Variants in BCR observed in about 807,000 individuals in gnomAD.
BCR encodes BCR activator of RhoGEF and GTPase.
A neutral mutation model predicts 138.6 loss-of-function variants in BCR; 58 were observed. The observed-to-expected ratio is 0.42, with a 90% CI of 0.34 to 0.52. The LOEUF (loss-of-function observed/expected upper bound fraction) is 0.52. Ranked by LOEUF, BCR falls within the 20% of genes least tolerant of loss-of-function variation. The probability of loss-of-function intolerance (pLI) is 0.06; values close to 1 mark genes in which losing one functional copy is unlikely to be tolerated. For synonymous variants in BCR, 786 were observed against 730.1 expected, an observed-to-expected ratio of 1.08 and a Z score of -1.23; for missense variants, 1,599 against 1,727.2, an observed-to-expected ratio of 0.93 and a Z score of 1.32.
At chr22:23,193,189 C>T (rs1246283046) in intron 1 of BCR, among the ~76,000 whole-genome samples, 1 of 152,246 alleles carries the variant, frequency 6.6e-6, no homozygotes, top group Non-Finnish European at 1.5e-5. Flanking sequence ...GAGAGATTTT[C>T]TGCACATGAC....
chr22:23,223,601 C>T lies in BCR; in HGVS notation c.1280-30198C>T, dbSNP rs1465514086. On this transcript the variant is annotated intron_variant, in intron 1 of 22. Transcript: ENST00000305877. ...CTGGCTGAGCCCTAGGCTGCCGGTG[C>T]AGGGGGTACTCAGGGAGGAGGGCTC... 3.3e-5 allele frequency among the ~76,000 whole-genome samples: 5 copies of T among 152,136 alleles called. No homozygotes were observed. In the East Asian group the frequency reaches 7.7e-4, roughly 24 times the overall value.
At chr22:23,296,704 C>T (rs1354216749) in intron 16 of BCR, among the ~76,000 whole-genome samples, 4 of 152,188 alleles carry the variant, frequency 2.6e-5, no homozygotes, top group Admixed American at 2.0e-4. Flanking sequence ...CTACTCAGGA[C>T]GCTGAAGCGA....
intron 2 of BCR, among the ~76,000 whole-genome samples, chr22:23,255,827 G>C (rs767854048): frequency 4.6e-5 from 7 of 152,280 alleles, no homozygotes; most frequent in Middle Eastern, 3.4e-3. Context: ...TGTTTCTCGT[G>C]GTGCACATCC....
intron 1 of BCR, among the ~76,000 whole-genome samples, chr22:23,220,256 G>C (rs1384898970): frequency 6.6e-6 from 1 of 152,206 alleles, no homozygotes; most frequent in Admixed American, 6.5e-5. Context: ...TTACACTGAA[G>C]TTTCACCTAC....
intron 16 of BCR, among the ~76,000 whole-genome samples, chr22:23,303,561 G>A (rs1275126717): frequency 3.9e-5 from 6 of 152,252 alleles, no homozygotes; most frequent in African/African-American, 1.4e-4. Context: ...CTCTTAAACA[G>A]ACTTGGAGAG....
At chr22:23,290,596 C>G in intron 14 of BCR, 183 bp downstream of exon 14, 1 of 608,466 alleles carries the variant, frequency 1.6e-6, no homozygotes, top group South Asian at 1.8e-5. Flanking sequence ...AATTGTTTTT[C>G]CCGGAGTGGC....
rs760115322 is a variant in BCR at position 23,182,063 on chromosome 22, G to A, written c.1103G>A (p.Arg368His). Residue 368 changes from arginine to histidine, a missense_variant, in exon 1 of 23, where the codon CGC (arginine) becomes CAC (histidine). Arg to His is a conservative substitution (Grantham distance 29, BLOSUM62 0). Around this residue, in one of 4 missense-constraint regions of BCR, gnomAD observed 806 missense variants for 635.0 expected, o/e 1.27. Coordinates refer to ENST00000305877, the MANE Select transcript of BCR (RefSeq NM_004327.4). ...TTYRMFRDKSRSPSQNSQQSF... is the reference protein window; with the variant it reads ...TTYRMFRDKSHSPSQNSQQSF... The stretch of plus-strand genomic sequence containing the variant: ...TACCGCATGTTCCGGGACAAAAGCC[G>A]CTCTCCCTCGCAGAACTCGCAACAG... 1.2e-5 allele frequency: 20 copies of A among 1,613,356 alleles called. No homozygotes were observed. The highest frequency in any genetic ancestry group is 5.0e-5 in the Admixed American group (3 of 60,002).
intron 8 of BCR, among the ~76,000 whole-genome samples, chr22:23,277,299 C>A (rs543556786): frequency 1.3e-5 from 2 of 152,316 alleles, no homozygotes; most frequent in East Asian, 3.9e-4. Context: ...GAGTGTCTTG[C>A]CCAGTCACAC....
In BCR at chr22:23,268,468, G is replaced by T. The variant is rs746757031; in HGVS notation, c.1813G>T (p.Ala605Ser). Residue 605 changes from alanine to serine, a missense_variant, in exon 5 of 23, where the codon GCT becomes TCT. Physicochemically the swap from Ala to Ser is moderately conservative, Grantham distance 99. Transcript: ENST00000305877. Reference sequence around the variant, plus strand: ...CAACTACGGAGTTGCCATGGAAATGGCTGAGAAGTGCTGTCAGGCCAATGC... The same window carrying T: ...CAACTACGGAGTTGCCATGGAAATGTCTGAGAAGTGCTGTCAGGCCAATGC... ...VDNYGVAMEM[A>S]EKCCQANAQF... 3.1e-6 allele frequency: 5 copies of T among 1,613,964 alleles called. No homozygotes were observed. In the Admixed American group the frequency reaches 8.3e-5, roughly 27 times the overall value.
Position 23,239,840 on chromosome 22 carries a change from G to A in BCR, c.1280-13959G>A, listed in dbSNP as rs367810149. ...CCCCCACTTTTTTTTAAGAGACAGC[G>A]TCTCCCTCTGGCTCCAGTCCCAGGC... On this transcript the variant is annotated intron_variant, in intron 1 of 22. Transcript: ENST00000305877. Among the ~76,000 whole-genome samples the A allele has an allele frequency of 1.7e-4, 25 of 150,590 alleles. 3 individuals are homozygous for A. The highest frequency in any genetic ancestry group is 1.6e-3 in the East Asian group (8 of 5,100).
rs767078465 is a variant in BCR, at chr22:23,181,455, T to A, written c.495T>A (p.His165Gln). The A allele has an allele frequency of 6.2e-7, 1 of 1,606,814 alleles. No homozygotes were observed. The change falls in exon 1 of 23, where the codon CAT (histidine) becomes CAA (glutamine). Residue 165 changes from histidine to glutamine, a missense_variant. Coordinates refer to ENST00000305877, the MANE Select transcript of BCR (RefSeq NM_004327.4). ...ACTTCGAGCGGATCCGCAAGGGCCA[T>A]GGCCAGCCCGGGGCGGACGCCGAGA... ...RSNFERIRKG[H>Q]GQPGADAEKP... is the part of the protein sequence containing the mutation.
At chr22:23,227,578 A>AT (rs2072909178) in intron 1 of BCR, among the ~76,000 whole-genome samples, 1 of 152,220 alleles carries the variant, frequency 6.6e-6, no homozygotes, top group African/African-American at 2.4e-5. Flanking sequence ...TTGTAAGTCT[A>AT]TTTTCAGCTT....
At chr22:23,249,431 C>CAA (rs535635463) in intron 1 of BCR, among the ~76,000 whole-genome samples, 3,204 of 66,158 alleles carry the variant, frequency 0.048, 56 homozygotes, top group African/African-American at 0.06. Context: ...GACTCTGTCT[C>CAA]AAAAAAAAAA....
rs192455608 is a variant in BCR at position 23,206,912 on chromosome 22, A to G, written c.1279+24673A>G. Among the ~76,000 whole-genome samples the G allele has an allele frequency of 1.9e-3, 255 of 136,002 alleles. 1 individual carries two copies. Among genetic ancestry groups the G allele is most frequent in the African/African-American group, 7.9e-3 (230 of 29,076 alleles). The allele number at this position is 136,002 out of a possible 152,430, so 89.2% of individuals were successfully genotyped here. A position where few individuals can be genotyped will look rare whatever the true frequency, so the allele number is the denominator to read the frequency against. On this transcript the variant is annotated intron_variant, in intron 1 of 22. Transcript: ENST00000305877. ...CTTTATTCATCATCCATCCAACTAA[A>G]TCTATTCATCCCTCTGTCATCCATT...
At chr22:23,243,599 G>A (rs532523912) in intron 1 of BCR, among the ~76,000 whole-genome samples, 1 of 151,826 alleles carries the variant, frequency 6.6e-6, no homozygotes, top group African/African-American at 2.4e-5. Context: ...ACAATAAACT[G>A]GTAAATGTGA....
Position 23,285,031 on chromosome 22 carries a change from A to C in BCR, c.2238-2A>C. On this transcript the variant is annotated splice_acceptor_variant, in intron 9 of 22. Coordinates refer to ENST00000305877, the MANE Select transcript of BCR (RefSeq NM_004327.4). LOFTEE classifies it high-confidence loss of function. ...TGAACGTTCTTCTCTCCCCATCCCC[A>C]GCAAAACGCAGCAGTATGACTGCAA... The C allele has an allele frequency of 6.2e-7, 1 of 1,611,844 alleles. No homozygotes were observed. Among genetic ancestry groups the C allele is most frequent in the Non-Finnish European group, 8.5e-7 (1 of 1,178,258 alleles).
chr22:23,313,046 A>G (rs771550692), intron 20 of BCR, 25 bp downstream of exon 20: 9 of 1,547,778 alleles, frequency 5.8e-6, no homozygotes, highest in South Asian at 5.8e-5. Context: ...CCTTGGCCTC[A>G]TGGGAGACGT....
chr22:23,312,620 C>A (rs56024092), intron 19 of BCR: 97,223 of 513,704 alleles, frequency 0.19, 9,710 homozygotes, highest in Non-Finnish European at 0.23. Context: ...CCCACGCAGG[C>A]GCTGTGTCCT....
In BCR at chr22:23,225,455, C is replaced by T. The variant is rs373119920; in HGVS notation, c.1280-28344C>T. On this transcript the variant is annotated intron_variant, in intron 1 of 22. Transcript: ENST00000305877. ...AGACCGCTGGCTGGAGACTGGACTG[C>T]GGGGCCATCCTCCAGGCTCTTGCAC... is the stretch of plus-strand genomic sequence containing the variant. Among the ~76,000 whole-genome samples, 7 of 152,300 alleles carry T rather than the reference C, an allele frequency of 4.6e-5. No individual in the cohort carries two copies. In the East Asian group the frequency reaches 5.8e-4, roughly 13 times the overall value.
Sources: gnomAD v4.1 joint callset for allele counts (sites outside exome capture counted in the v4.1 genomes callset) on GRCh38, gnomAD v4.1.1 for gene constraint, gnomAD v4.1.1 regional missense constraint, MANE v1.5 for transcripts, NCBI Gene and HGNC (gene_info 2026-07-23, HGNC 2026-07-21) for gene names.